CRCP: variants seen among roughly 807,000 people sequenced by gnomAD.
CRCP encodes CGRP receptor component.
In CRCP, 18 loss-of-function variants were observed where a neutral mutation model predicts 18.5. That is an observed-to-expected ratio of 0.97 (90% CI 0.67 to 1.44). CRCP has a LOEUF of 1.44. Ranked by LOEUF, CRCP falls within the 40% of genes most tolerant of loss-of-function variation. The probability of loss-of-function intolerance (pLI) is 0.00; values close to 1 mark genes in which losing one functional copy is unlikely to be tolerated. For missense variants in CRCP, 130 were observed against 176.4 expected (o/e 0.74, Z 1.49); for synonymous variants, 53 against 62.9 (o/e 0.84, Z 0.75).
intron 5 of CRCP, among the ~76,000 whole-genome samples, chr7:66,150,081 C>T (rs1423453563): frequency 6.6e-6 from 1 of 151,314 alleles, no homozygotes; most frequent in Non-Finnish European, 1.5e-5. Context: ...GCTGGGATTA[C>T]AGGCGTGAGC....
At position 66,125,529 on chromosome 7, in the gene CRCP, T is replaced by C. The variant is rs188223180; in HGVS notation, c.9-2175T>C. Among the ~76,000 whole-genome samples, 3 of 149,524 alleles carry C rather than the reference T, an allele frequency of 2.0e-5. No individual in the cohort carries two copies. The East Asian group carries it at 6.0e-4, about 30-fold the overall frequency. ...GTCAGCCAGAGTCTGTTACACAGAGTACCTGTGTAAACATCAATTGGTTCT... is the reference window on the plus strand; with the variant it reads ...GTCAGCCAGAGTCTGTTACACAGAGCACCTGTGTAAACATCAATTGGTTCT... On this transcript the variant is annotated intron_variant, in intron 1 of 5. Coordinates refer to ENST00000395326, the MANE Select transcript of CRCP (RefSeq NM_014478.5).
At chr7:66,134,653 A>G (rs569814499) in intron 4 of CRCP, among the ~76,000 whole-genome samples, 1 of 152,240 alleles carries the variant, frequency 6.6e-6, no homozygotes, top group African/African-American at 2.4e-5. Flanking sequence ...TACATTCTCA[A>G]AAAAGACGGG....
At chr7:66,125,235 C>G (rs1388409343) in intron 1 of CRCP, among the ~76,000 whole-genome samples, 1 of 149,158 alleles carries the variant, frequency 6.7e-6, no homozygotes, top group African/African-American at 2.4e-5. Flanking sequence ...AAGTTGATGT[C>G]TGTCTGGTTT....
chr7:66,129,640 C>G (rs1398300969), intron 2 of CRCP, among the ~76,000 whole-genome samples: 1 of 148,810 alleles, frequency 6.7e-6, no homozygotes, highest in Non-Finnish European at 1.5e-5. Context: ...AAGGCTCAGT[C>G]TTAAGTGGTT....
intron 1 of CRCP, among the ~76,000 whole-genome samples, chr7:66,115,618 G>T (rs1787236616): frequency 6.6e-6 from 1 of 152,134 alleles, no homozygotes; most frequent in South Asian, 2.1e-4. Context: ...ATGCTTGCTC[G>T]TTGCGCCTGG....
At chr7:66,138,762 C>T (rs1168389288) in intron 4 of CRCP, among the ~76,000 whole-genome samples, 4 of 148,314 alleles carry the variant, frequency 2.7e-5, no homozygotes, top group African/African-American at 5.0e-5. Flanking sequence ...CACTGCACTC[C>T]GGCCTGGGGG....
chr7:66,129,165 C>T (rs948005812), intron 2 of CRCP, among the ~76,000 whole-genome samples: 1 of 152,078 alleles, frequency 6.6e-6, no homozygotes, highest in Non-Finnish European at 1.5e-5. Context: ...AACCCCGTCT[C>T]TACTAAAAAT....
intron 5 of CRCP, among the ~76,000 whole-genome samples, chr7:66,147,731 G>A (rs1788341256): frequency 6.6e-6 from 1 of 152,194 alleles, no homozygotes; most frequent in Non-Finnish European, 1.5e-5. Flanking sequence ...ACCAAGGTTT[G>A]TAGCAGTATC....
At chr7:66,139,459 T>C (rs1788069947) in intron 4 of CRCP, among the ~76,000 whole-genome samples, 1 of 152,270 alleles carries the variant, frequency 6.6e-6, no homozygotes, top group Non-Finnish European at 1.5e-5. Flanking sequence ...CATCATGGGC[T>C]TGGCATCTGT....
At position 66,143,158 on chromosome 7, in the gene CRCP, G is replaced by A. The variant is rs186778732; in HGVS notation, c.240-2285G>A. Among the ~76,000 whole-genome samples, 614 of 152,228 alleles carry A rather than the reference G, an allele frequency of 4.0e-3. 3 individuals carry two copies. The highest frequency in any genetic ancestry group is 0.014 in the African/African-American group (562 of 41,546). ...CTGAGGGTGACGGGAAGTGTTTCAC[G>A]TGTTTAGACGCTTACTGGCATGCCT... is the stretch of plus-strand genomic sequence containing the variant. On this transcript the variant is annotated intron_variant, in intron 4 of 5. Transcript: ENST00000395326.
chr7:66,123,007 T>G (rs1584062578), intron 1 of CRCP, among the ~76,000 whole-genome samples: 2 of 149,838 alleles, frequency 1.3e-5, no homozygotes, highest in Non-Finnish European at 3.0e-5. Flanking sequence ...CAGGCTGGAG[T>G]GCAGTAGCCC....
rs776914589 is a variant in CRCP at position 66,127,774 on chromosome 7, G to A, written c.45+34G>A. 12 of 1,610,936 alleles carry A rather than the reference G, an allele frequency of 7.4e-6. No individual in the cohort carries two copies. The Admixed American group carries it at 1.7e-4, about 22-fold the overall frequency. On this transcript the variant is annotated intron_variant, in intron 2 of 5. Coordinates refer to ENST00000395326, the MANE Select transcript of CRCP (RefSeq NM_014478.5). ...GATTGTTACATTTTCCTCTCTGATA[G>A]TTTGCCCTTCGCTCCTGAGATTGTT... is the stretch of plus-strand genomic sequence containing the variant.
chr7:66,118,014 C>A (rs1787322774), intron 1 of CRCP, among the ~76,000 whole-genome samples: 1 of 152,192 alleles, frequency 6.6e-6, no homozygotes, highest in Non-Finnish European at 1.5e-5. Context: ...GAGTCTTGCT[C>A]TGTCACCCAG....
At chr7:66,121,494 C>G (rs1011447414) in intron 1 of CRCP, among the ~76,000 whole-genome samples, 1 of 150,332 alleles carries the variant, frequency 6.7e-6, no homozygotes, top group Non-Finnish European at 1.5e-5. Flanking sequence ...GAGTCTCACT[C>G]CATCACCTAG....
At chr7:66,146,076 C>T (rs188111493) in intron 5 of CRCP, among the ~76,000 whole-genome samples, 1 of 152,280 alleles carries the variant, frequency 6.6e-6, no homozygotes, top group African/African-American at 2.4e-5. Context: ...GCGTTGATTT[C>T]TGCCATTATT....
chr7:66,136,295 A>G (rs975800864), intron 4 of CRCP, among the ~76,000 whole-genome samples: 4 of 151,952 alleles, frequency 2.6e-5, no homozygotes, highest in Admixed American at 1.3e-4. Context: ...CAATGGTGCA[A>G]TCTCGGCTCA....
intron 2 of CRCP, 100 bp from the exon 3 acceptor site, chr7:66,130,644 G>A (rs1787771426): frequency 1.8e-6 from 1 of 554,632 alleles, no homozygotes; most frequent in Non-Finnish European, 3.2e-6. Flanking sequence ...CGGGTGAAAG[G>A]AAGTACTATA....
At chr7:66,137,016 G>T (rs1562767992) in intron 4 of CRCP, among the ~76,000 whole-genome samples, 1 of 151,858 alleles carries the variant, frequency 6.6e-6, no homozygotes, top group East Asian at 1.9e-4. Context: ...GGGAGATGGA[G>T]GTTGCAGTGA....
At chr7:66,125,683 T>C (rs1444813209) in intron 1 of CRCP, among the ~76,000 whole-genome samples, 3 of 149,148 alleles carry the variant, frequency 2.0e-5, no homozygotes, top group African/African-American at 7.3e-5. Flanking sequence ...TTTAGTGGGG[T>C]AGTAACTTGG....
Sources: gnomAD v4.1 joint callset for allele counts (sites outside exome capture counted in the v4.1 genomes callset) on GRCh38, gnomAD v4.1.1 for gene constraint, MANE v1.5 for transcripts, NCBI Gene and HGNC (gene_info 2026-07-23, HGNC 2026-07-21) for gene names.